Variants in PRKD1 observed in about 807,000 individuals in gnomAD.
PRKD1 encodes serine/threonine-protein kinase D1.
Under a neutral mutation model 95.9 loss-of-function variants are expected in PRKD1, and 63 were observed. The ratio of observed to expected loss-of-function variants is 0.66; its 90% CI spans 0.54 to 0.81. PRKD1 has a LOEUF of 0.81. PRKD1 is among the 30% of genes least tolerant of loss of function. PRKD1 has a pLI of 0.00. For missense variants in PRKD1, 1,048 were observed against 1,165.3 expected (o/e 0.90, Z 1.47); for synonymous variants, 425 against 423.1 (o/e 1.00, Z -0.05).
At chr14:29,737,914 A>G (rs532244433) in intron 1 of PRKD1, among the ~76,000 whole-genome samples, 2 of 152,308 alleles carry the variant, frequency 1.3e-5, no homozygotes, top group South Asian at 4.1e-4. Flanking sequence ...ACACCAGACT[A>G]TAGAGATTTA....
At chr14:29,746,207 G>A (rs1340968451) in intron 1 of PRKD1, among the ~76,000 whole-genome samples, 2 of 152,090 alleles carry the variant, frequency 1.3e-5, no homozygotes, top group African/African-American at 2.4e-5. Context: ...TGCCTTATCA[G>A]AGTATCTTGA....
chr14:29,607,265 G>A (rs1878048433), intron 13 of PRKD1, among the ~76,000 whole-genome samples: 1 of 152,164 alleles, frequency 6.6e-6, no homozygotes, highest in Non-Finnish European at 1.5e-5. Context: ...AGTATGAACT[G>A]CCACAGACTT....
chr14:29,925,339 T>A lies in PRKD1; in HGVS notation c.264+1910A>T, dbSNP rs538165841. Among the ~76,000 whole-genome samples the A allele has an allele frequency of 7.2e-5, 11 of 152,324 alleles. No individual in the cohort carries two copies. In the South Asian group the frequency reaches 2.3e-3, roughly 32 times the overall value. On this transcript the variant is annotated intron_variant, in intron 1 of 17. Transcript: ENST00000331968. ...CTAAAACCTCCATACAGCAAATCCA[T>A]CTTTCAGATGTCCTTGGTATGATGT...
chr14:29,718,469 G>A (rs1331652018), intron 2 of PRKD1, among the ~76,000 whole-genome samples: 1 of 152,060 alleles, frequency 6.6e-6, no homozygotes, highest in East Asian at 1.9e-4. Context: ...GTCTCATGTA[G>A]TATCTTTATA....
intron 1 of PRKD1, among the ~76,000 whole-genome samples, chr14:29,780,861 T>A (rs918208144): frequency 6.6e-6 from 1 of 152,152 alleles, no homozygotes; most frequent in Non-Finnish European, 1.5e-5. Flanking sequence ...CCAGCACTAT[T>A]CACAATAGCA....
chr14:29,754,579 C>T, intron 1 of PRKD1, among the ~76,000 whole-genome samples: 1 of 152,066 alleles, frequency 6.6e-6, no homozygotes, highest in East Asian at 1.9e-4. Context: ...ATCTATTAAT[C>T]AATCTGTTCT....
intron 1 of PRKD1, among the ~76,000 whole-genome samples, chr14:29,871,235 C>T (rs1893095466): frequency 6.6e-6 from 1 of 152,162 alleles, no homozygotes; most frequent in South Asian, 2.1e-4. Flanking sequence ...GAATACTCTC[C>T]ACGGAAAGTA....
intron 13 of PRKD1, 26 bp from the exon 14 acceptor site, chr14:29,599,843 A>G: frequency 6.3e-7 from 1 of 1,590,402 alleles, no homozygotes; most frequent in Non-Finnish European, 8.5e-7. Flanking sequence ...AAAGCACTTG[A>G]AGAAAATGAG....
At chr14:29,729,870 A>T (rs1164817443) in intron 1 of PRKD1, among the ~76,000 whole-genome samples, 1 of 152,030 alleles carries the variant, frequency 6.6e-6, no homozygotes, top group Non-Finnish European at 1.5e-5. Context: ...TTTCTATCAT[A>T]CCATATATAA....
chr14:29,804,254 G>A (rs1890146685), intron 1 of PRKD1, among the ~76,000 whole-genome samples: 1 of 149,278 alleles, frequency 6.7e-6, no homozygotes, highest in Non-Finnish European at 1.5e-5. Flanking sequence ...AAAAAAAAAT[G>A]TATGCAAAAG....
chr14:29,626,640 A>G (rs563372660), intron 11 of PRKD1, 84 bp from the exon 12 acceptor site: 2 of 654,148 alleles, frequency 3.1e-6, no homozygotes, highest in South Asian at 8.3e-5. Flanking sequence ...TATTAAATAT[A>G]TTATAAACTA....
intron 2 of PRKD1, among the ~76,000 whole-genome samples, chr14:29,718,250 G>A (rs1885722457): frequency 6.6e-6 from 1 of 152,144 alleles, no homozygotes; most frequent in Admixed American, 6.6e-5. Context: ...CCCCCATGCT[G>A]TTCTCGTGAT....
chr14:29,669,456 T>A (rs1882715714), intron 2 of PRKD1, among the ~76,000 whole-genome samples: 1 of 152,210 alleles, frequency 6.6e-6, no homozygotes, highest in Non-Finnish European at 1.5e-5. Context: ...TGGGCATTTT[T>A]TTTTTCCTTT....
intron 1 of PRKD1, among the ~76,000 whole-genome samples, chr14:29,748,338 T>C (rs1566577806): frequency 1.3e-5 from 2 of 152,214 alleles, no homozygotes; most frequent in Non-Finnish European, 2.9e-5. Context: ...AATTTATTTA[T>C]CTGATTGGTG....
intron 2 of PRKD1, among the ~76,000 whole-genome samples, chr14:29,696,114 A>G (rs1416175650): frequency 1.3e-5 from 2 of 152,200 alleles, no homozygotes; most frequent in Non-Finnish European, 2.9e-5. Flanking sequence ...TTTTCAGCAA[A>G]TCGCATGTTA....
At chr14:29,911,447 C>T (rs757533078) in intron 1 of PRKD1, among the ~76,000 whole-genome samples, 43 of 152,152 alleles carry the variant, frequency 2.8e-4, no homozygotes, top group Non-Finnish European at 1.3e-4. Context: ...ATGTACATAT[C>T]TGAAGTCTTT....
intron 1 of PRKD1, among the ~76,000 whole-genome samples, chr14:29,823,448 T>C (rs1469874609): frequency 2.0e-5 from 3 of 152,200 alleles, no homozygotes; most frequent in East Asian, 1.9e-4. Flanking sequence ...TGTTAAAGTA[T>C]ATATTTAATT....
chr14:29,784,122 A>G (rs2139176006), intron 1 of PRKD1, among the ~76,000 whole-genome samples: 1 of 152,292 alleles, frequency 6.6e-6, no homozygotes, highest in South Asian at 2.1e-4. Context: ...TTAAGTCTTT[A>G]GTCCACTTTG....
intron 1 of PRKD1, among the ~76,000 whole-genome samples, chr14:29,810,581 T>C (rs767937688): frequency 1.3e-5 from 2 of 152,224 alleles, no homozygotes; most frequent in Admixed American, 1.3e-4. Flanking sequence ...GATGAAAACA[T>C]TTTAGGCCTA....
Sources: allele counts gnomAD v4.1 joint callset (sites outside exome capture counted in the v4.1 genomes callset), GRCh38; gene constraint gnomAD v4.1.1; transcripts MANE v1.5; gene names NCBI Gene and HGNC (gene_info 2026-07-23, HGNC 2026-07-21).